The following SHQ1 variants were observed in gnomAD, a reference collection of about 807,000 sequenced individuals.
SHQ1 encodes SHQ1, H/ACA ribonucleoprotein assembly factor, also known as protein SHQ1 homolog.
Under a neutral mutation model 53.8 loss-of-function variants are expected in SHQ1, and 49 were observed. That is an observed-to-expected ratio of 0.91 (90% CI 0.72 to 1.16). SHQ1 has a LOEUF of 1.16. Among genes scored for constraint, SHQ1 ranks in the 50% most tolerant of loss-of-function variants. The probability of loss-of-function intolerance (pLI) is 0.00; values close to 1 mark genes in which losing one functional copy is unlikely to be tolerated. For synonymous variants in SHQ1, 243 were observed against 251.0 expected (o/e 0.97, Z 0.30); for missense variants, 738 against 683.1 (o/e 1.08, Z -0.90).
chr3:72,747,881 C>A (rs532544668), downstream of SHQ1, among the ~76,000 whole-genome samples: 1 of 151,680 alleles, frequency 6.6e-6, no homozygotes. Flanking sequence ...CCCAGGTGTT[C>A]GGGAGGCTGA....
At chr3:72,840,173 A>C (rs1575739456) in intron 4 of SHQ1, among the ~76,000 whole-genome samples, 2 of 137,048 alleles carry the variant, frequency 1.5e-5, no homozygotes, top group Admixed American at 1.6e-4. Flanking sequence ...AATCACTTGG[A>C]CCCGGGAGGC....
At chr3:72,733,543 C>A in the SHQ1 span, among the ~76,000 whole-genome samples, 2 of 151,630 alleles carry the variant, frequency 1.3e-5, no homozygotes, top group Non-Finnish European at 2.9e-5. Flanking sequence ...GCTCGAGCTC[C>A]AGCCCCAAGC....
intron 5 of SHQ1, among the ~76,000 whole-genome samples, chr3:72,826,702 T>C (rs902252781): frequency 6.6e-6 from 1 of 152,216 alleles, no homozygotes; most frequent in Non-Finnish European, 1.5e-5. Context: ...GGTTGAATGA[T>C]AATGAACAGT....
chr3:72,811,050 T>A (rs1707103516), intron 9 of SHQ1, among the ~76,000 whole-genome samples: 1 of 152,226 alleles, frequency 6.6e-6, no homozygotes, highest in African/African-American at 2.4e-5. Context: ...GATTCCTGTG[T>A]AAGTCAAGGC....
intron 6 of SHQ1, among the ~76,000 whole-genome samples, chr3:72,820,181 C>T (rs959819132): frequency 1.3e-5 from 2 of 152,164 alleles, no homozygotes; most frequent in African/African-American, 4.8e-5. Context: ...TCATACCTAT[C>T]GACGTTTATC....
At chr3:72,817,687 C>T (rs1707361467) in intron 6 of SHQ1, among the ~76,000 whole-genome samples, 1 of 152,044 alleles carries the variant, frequency 6.6e-6, no homozygotes, top group Non-Finnish European at 1.5e-5. Context: ...CAGTTACTGT[C>T]TTTAAAATTA....
chr3:72,827,512 T>A (rs1455749624), intron 5 of SHQ1, among the ~76,000 whole-genome samples: 1 of 151,972 alleles, frequency 6.6e-6, no homozygotes, highest in African/African-American at 2.4e-5. Flanking sequence ...CTTGGTAACA[T>A]GGTATTTCTA....
At chr3:72,742,603 TTTTTTTTC>T in the SHQ1 span, among the ~76,000 whole-genome samples, 1 of 145,352 alleles carries the variant, frequency 6.9e-6, no homozygotes, top group East Asian at 1.9e-4. Flanking sequence ...GAGTTGTTCT[TTTTTTTTC>T]TTTTTTTCTT....
chr3:72,812,831 A>C (rs1051501628), intron 8 of SHQ1, 37 bp from the exon 9 acceptor site: 1 of 1,612,280 alleles, frequency 6.2e-7, no homozygotes, highest in South Asian at 1.1e-5. Context: ...TCATTTCCAC[A>C]AAATGTTACA....
the SHQ1 span, among the ~76,000 whole-genome samples, chr3:72,737,976 A>G: frequency 1.3e-5 from 2 of 152,224 alleles, no homozygotes; most frequent in East Asian, 1.9e-4. Flanking sequence ...CCACAAGTGG[A>G]TGTGTCTTTC....
rs189835750 is a variant in SHQ1 at position 72,803,822 on chromosome 3, A to C, written c.1060+8849T>G. 4.6e-5 allele frequency among the ~76,000 whole-genome samples: 7 copies of C among 152,170 alleles called. No individual in the cohort carries two copies. In the East Asian group the frequency reaches 1.4e-3, roughly 29 times the overall value. The stretch of plus-strand genomic sequence containing the variant: ...TAATTTTCCCAAGTAACAAAATATT[A>C]TTTTTTTTCAACGATTTAAAAATGT... On this transcript the variant is annotated intron_variant, in intron 9 of 10. Coordinates refer to ENST00000325599, the MANE Select transcript of SHQ1 (RefSeq NM_018130.3).
At position 72,812,498 on chromosome 3, in the gene SHQ1, T is replaced by A. The variant is rs1194359033; in HGVS notation, c.1060+173A>T. Among the ~76,000 whole-genome samples, 8 of 152,348 alleles carry A rather than the reference T, an allele frequency of 5.3e-5. No individual in the cohort carries two copies. In the East Asian group the frequency reaches 1.5e-3, roughly 29 times the overall value. On this transcript the variant is annotated intron_variant, in intron 9 of 10. Transcript: ENST00000325599. ...AGTCTTTATTATGCCTCTATGCAAT[T>A]ACTTATCTACATATGTCTTATACAC... is the stretch of plus-strand genomic sequence containing the variant.
At position 72,824,434 on chromosome 3, in the gene SHQ1, A is replaced by G. The variant is rs1707583369; in HGVS notation, c.717T>C (p.His239=). ...FLEKSQEQEN[H]ATLVSFSEEE... ...ATTTGAGTTTCTTACCTAATGTAGC[A>G]TGATTTTCTTGTTCCTGACTCTTTT... Residue 239 remains histidine (H), a synonymous_variant, in exon 6 of 11, where the codon CAT becomes CAC. Transcript: ENST00000325599. 6.2e-7 allele frequency: 1 copy of G among 1,611,262 alleles called. No individual in the cohort carries two copies. The highest frequency in any genetic ancestry group is 1.7e-5 in the Admixed American group (1 of 59,754).
intron 10 of SHQ1, among the ~76,000 whole-genome samples, chr3:72,755,853 T>A (rs1227592178): frequency 6.6e-6 from 1 of 152,198 alleles, no homozygotes; most frequent in East Asian, 1.9e-4. Context: ...AAAAGCTTGG[T>A]CAAATGGCAT....
chr3:72,792,881 T>A (rs753606311), intron 10 of SHQ1, 35 bp downstream of exon 10: 1 of 1,511,318 alleles, frequency 6.6e-7, no homozygotes, highest in Admixed American at 1.8e-5. Flanking sequence ...AATGTGAACA[T>A]CTAAAAATTC....
At position 72,841,086 on chromosome 3, in the gene SHQ1, C is replaced by CA; in HGVS notation, c.444dup (p.Gly149TrpfsTer16). ...ACTCCTGATCGTAAGTTTCCAAATC[C>CA]ATAGTGGCACTGCGGATTCAAAGCA... On this transcript the variant is annotated frameshift_variant, in exon 4 of 11. Transcript: ENST00000325599. LOFTEE classifies it high-confidence loss of function. 1 of 1,613,842 alleles carries CA rather than the reference C, an allele frequency of 6.2e-7. No homozygotes were observed. Among genetic ancestry groups the CA allele is most frequent in the Non-Finnish European group, 8.5e-7 (1 of 1,179,902 alleles).
chr3:72,789,081 T>TAA (rs1205170855), intron 10 of SHQ1, among the ~76,000 whole-genome samples: 13 of 61,724 alleles, frequency 2.1e-4, no homozygotes, highest in Non-Finnish European at 3.8e-4. Context: ...CAATAAACAC[T>TAA]AAAAAAAAAA....
intron 10 of SHQ1, among the ~76,000 whole-genome samples, chr3:72,765,530 C>CAT (rs10551107): frequency 0.013 from 1,126 of 83,438 alleles, 22 homozygotes; most frequent in Non-Finnish European, 0.018. Flanking sequence ...ATTCACATGA[C>CAT]ATATATATAT....
intron 10 of SHQ1, among the ~76,000 whole-genome samples, chr3:72,767,068 C>T (rs1358653322): frequency 6.6e-6 from 1 of 152,158 alleles, no homozygotes; most frequent in East Asian, 1.9e-4. Context: ...AAGATGAAGC[C>T]TAGAGACTTT....
Sources: allele counts gnomAD v4.1 joint callset (sites outside exome capture counted in the v4.1 genomes callset), GRCh38; gene constraint gnomAD v4.1.1; transcripts MANE v1.5; gene names NCBI Gene and HGNC (gene_info 2026-07-23, HGNC 2026-07-21).